Variants in GTF3C5 observed in about 807,000 individuals in gnomAD.
GTF3C5 encodes general transcription factor IIIC subunit 5, also known as general transcription factor 3C polypeptide 5.
In GTF3C5, 47 loss-of-function variants were observed where a neutral mutation model predicts 61.0. The observed-to-expected ratio is 0.77, with a 90% confidence interval of 0.61 to 0.98. GTF3C5 has a LOEUF of 0.98. GTF3C5 is among the 50% of genes least tolerant of loss of function. The probability of loss-of-function intolerance (pLI) is 0.00; values close to 1 mark genes in which losing one functional copy is unlikely to be tolerated. For synonymous variants in GTF3C5, 295 were observed against 275.4 expected (o/e 1.07, Z -0.71); for missense variants, 659 against 703.3 (o/e 0.94, Z 0.71).
intron 3 of GTF3C5, among the ~76,000 whole-genome samples, chr9:133,048,572 G>A (rs890004932): frequency 6.6e-6 from 1 of 152,214 alleles, no homozygotes; most frequent in Non-Finnish European, 1.5e-5. Context: ...GGGGGGCTGA[G>A]GCAGGAGAAT....
chr9:133,053,883 A>T lies in GTF3C5; in HGVS notation c.929A>T (p.Asn310Ile), dbSNP rs982057923. 1.2e-6 allele frequency: 2 copies of T among 1,613,424 alleles called. No individual in the cohort carries two copies. Among genetic ancestry groups the T allele is most frequent in the Non-Finnish European group, 1.7e-6 (2 of 1,179,524 alleles). The change falls in exon 6 of 11, where the codon AAC becomes ATC. Residue 310 changes from asparagine to isoleucine, a missense_variant. By Grantham distance (149) the Asn-to-Ile change is moderately radical. Transcript: ENST00000372097. The part of the protein sequence containing the change: ...WIRFGYDPRK[N>I]PDAKIYQVLD... ...CGATTTGGGTATGACCCCCGAAAAA[A>T]CCCAGATGCCAAGATTTATCAAGTC...
rs1829992521 is a variant in GTF3C5 at position 133,058,032 on chromosome 9, ATGAGGGAGCCGG to A, written c.*53_*64del. On this transcript the variant is annotated 3_prime_UTR_variant, in exon 11 of 11. Transcript: ENST00000372097. The stretch of plus-strand genomic sequence containing the variant: ...CCCGGCCAGACTGGTGTCTGGCCTA[ATGAGGGAGCCGG>A]GGCTCCCCATTGCCACCCACAGTGC... The A allele has an allele frequency of 6.2e-7, 1 of 1,603,822 alleles. No homozygotes were observed.
intron 4 of GTF3C5, 133 bp downstream of exon 4, chr9:133,051,111 A>G (rs1212535728): frequency 9.9e-6 from 6 of 606,420 alleles, no homozygotes; most frequent in African/African-American, 9.5e-5. Flanking sequence ...GTGCATGGGA[A>G]CTTCTCACCT....
At chr9:133,049,234 C>T (rs544815304) in intron 3 of GTF3C5, among the ~76,000 whole-genome samples, 1 of 152,202 alleles carries the variant, frequency 6.6e-6, no homozygotes, top group African/African-American at 2.4e-5. Flanking sequence ...CCAAGGCTGC[C>T]GCAGCCTCTC....
intron 1 of GTF3C5, among the ~76,000 whole-genome samples, chr9:133,040,565 G>T (rs1018976715): frequency 6.6e-6 from 1 of 152,254 alleles, no homozygotes; most frequent in South Asian, 2.1e-4. Context: ...ACCAAAAAGA[G>T]TGTTGGTATT....
rs1345277416 is a variant in GTF3C5 at position 133,036,552 on chromosome 9, C to T, written c.153+5388C>T. Among the ~76,000 whole-genome samples the T allele has an allele frequency of 2.0e-5, 3 of 152,100 alleles. No individual in the cohort carries two copies. The East Asian group carries it at 5.8e-4, about 29-fold the overall frequency. On this transcript the variant is annotated intron_variant, in intron 1 of 10. Coordinates refer to ENST00000372097, the MANE Select transcript of GTF3C5 (RefSeq NM_012087.4). ...TCTTGAGTAAGTACCCCTAAAGCTA[C>T]CCCCTTCTTTACATTAATGAAAAGA...
chr9:133,056,189 A>G, intron 9 of GTF3C5, 95 bp downstream of exon 9: 4 of 990,666 alleles, frequency 4.0e-6, no homozygotes, highest in Non-Finnish European at 6.1e-6. Context: ...GTCGGCCTTC[A>G]TCTCCGGCAA....
intron 9 of GTF3C5, 35 bp downstream of exon 9, chr9:133,056,129 G>A (rs1303742673): frequency 1.3e-5 from 21 of 1,581,438 alleles, no homozygotes; most frequent in Non-Finnish European, 1.8e-5. Flanking sequence ...CACTGAGGGG[G>A]GCCCGTGGGA....
chr9:133,044,839 C>T (rs1406486493), intron 3 of GTF3C5, among the ~76,000 whole-genome samples: 1 of 152,090 alleles, frequency 6.6e-6, no homozygotes, highest in Non-Finnish European at 1.5e-5. Context: ...TAGTGGGTTT[C>T]TCCTACACCG....
intron 5 of GTF3C5, among the ~76,000 whole-genome samples, 154 bp from the exon 6 acceptor site, chr9:133,053,674 A>G (rs1829829156): frequency 6.6e-6 from 1 of 152,174 alleles, no homozygotes; most frequent in Non-Finnish European, 1.5e-5. Context: ...GCCCTCACCA[A>G]GGTGACAGGG....
At chr9:133,055,336 G>A (rs1202725048) in intron 8 of GTF3C5, 47 of 1,352,120 alleles carry the variant, frequency 3.5e-5, no homozygotes, top group Non-Finnish European at 4.3e-5. Context: ...CCCGCACGGT[G>A]GAATCACCTG....
At position 133,043,232 on chromosome 9, in the gene GTF3C5, A is replaced by G. The variant is rs1222434808; in HGVS notation, c.374-496A>G. On this transcript the variant is annotated intron_variant, in intron 2 of 10. Coordinates refer to ENST00000372097, the MANE Select transcript of GTF3C5 (RefSeq NM_012087.4). Reference sequence around the variant, plus strand: ...CAAAGAGGGCTGTTCTTTTGGGACAAGGTTTCCCAAGTGATTCATAAAACA... The same window carrying G: ...CAAAGAGGGCTGTTCTTTTGGGACAGGGTTTCCCAAGTGATTCATAAAACA... Among the ~76,000 whole-genome samples the G allele has an allele frequency of 2.6e-5, 4 of 152,328 alleles. No individual in the cohort carries two copies. In the South Asian group the frequency reaches 6.2e-4, roughly 24 times the overall value.
At chr9:133,051,030 T>C in intron 4 of GTF3C5, 52 bp downstream of exon 4, 1 of 1,397,370 alleles carries the variant, frequency 7.2e-7, no homozygotes, top group Non-Finnish European at 9.7e-7. Flanking sequence ...TCTGTTGGCT[T>C]CCCGTGTTTA....
intron 9 of GTF3C5, among the ~76,000 whole-genome samples, chr9:133,056,548 G>A (rs1323156301): frequency 1.3e-5 from 2 of 152,174 alleles, no homozygotes; most frequent in South Asian, 2.1e-4. Context: ...GTGGTAACAC[G>A]GCCAGCTTCA....
At position 133,054,470 on chromosome 9, in the gene GTF3C5, A is replaced by C. The variant is rs750033243; in HGVS notation, c.1051A>C (p.Ile351Leu). ...KRSTYNYSLPITVKKTSSQLV... is the reference protein window; with the variant it reads ...KRSTYNYSLPLTVKKTSSQLV... ...CAGCACCTACAACTACAGCCTCCCC[A>C]TCACCGTCAAGAAGACATGTAAGCG... The change falls in exon 7 of 11, where the codon ATC becomes CTC. Residue 351 changes from isoleucine (I) to leucine (L), a missense_variant. Ile to Leu is a conservative substitution (Grantham distance 5). Transcript: ENST00000372097. 2.5e-6 allele frequency: 4 copies of C among 1,613,996 alleles called. No homozygotes were observed. Among genetic ancestry groups the C allele is most frequent in the Non-Finnish European group, 3.4e-6 (4 of 1,179,980 alleles).
intron 1 of GTF3C5, among the ~76,000 whole-genome samples, chr9:133,033,970 G>A (rs1849799638): frequency 6.6e-6 from 1 of 152,008 alleles, no homozygotes. Flanking sequence ...CTGGACTCTG[G>A]GTCTGGGTTT....
chr9:133,037,818 C>T (rs530279221), intron 1 of GTF3C5, among the ~76,000 whole-genome samples: 8 of 152,320 alleles, frequency 5.3e-5, no homozygotes, highest in Admixed American at 3.3e-4. Flanking sequence ...TTCTGAGGAG[C>T]AGCTGACGCT....
intron 8 of GTF3C5, chr9:133,055,703 G>A (rs1022134345): frequency 6.6e-5 from 65 of 985,336 alleles, no homozygotes; most frequent in Non-Finnish European, 7.7e-5. Flanking sequence ...ACAGAGAGCA[G>A]AGCCCGGCAC....
In GTF3C5 at chr9:133,044,662, G is replaced by A. The variant is rs537450175; in HGVS notation, c.572+736G>A. Among the ~76,000 whole-genome samples the A allele has an allele frequency of 1.4e-4, 22 of 152,176 alleles. No individual in the cohort carries two copies. In the South Asian group the frequency reaches 4.4e-3, roughly 30 times the overall value. ...TTTCCTGGTCTGCCCTGTGCGGCTG[G>A]AGGTCGCTTCAGAGAACCCCTGACC... On this transcript the variant is annotated intron_variant, in intron 3 of 10. Transcript: ENST00000372097.
Sources: allele counts gnomAD v4.1 joint callset (sites outside exome capture counted in the v4.1 genomes callset), GRCh38; gene constraint gnomAD v4.1.1; transcripts MANE v1.5; gene names NCBI Gene and HGNC (gene_info 2026-07-23, HGNC 2026-07-21).